Variants in DOCK8 observed in about 807,000 individuals in gnomAD.
DOCK8 encodes dedicator of cytokinesis protein 8.
A neutral mutation model predicts 245.6 loss-of-function variants in DOCK8; 141 were observed. The ratio of observed to expected loss-of-function variants is 0.57; its 90% CI spans 0.50 to 0.66. DOCK8 has a LOEUF of 0.66. Ranked by LOEUF, DOCK8 falls within the 30% of genes least tolerant of loss-of-function variation. The pLI is 0.00. For synonymous variants in DOCK8, 1,168 were observed against 970.2 expected (o/e 1.20, Z -3.79); for missense variants, 2,965 against 2,603.4 (o/e 1.14, Z -3.02).
At chr9:333,557 T>C (rs565894580) in intron 10 of DOCK8, among the ~76,000 whole-genome samples, 1,515 of 150,636 alleles carry the variant, frequency 0.01, 20 homozygotes, top group African/African-American at 0.033. Flanking sequence ...GCCGAGATCG[T>C]GCCACTGCAC....
chr9:283,354 T>C (rs1563872905), intron 2 of DOCK8, among the ~76,000 whole-genome samples: 1 of 152,220 alleles, frequency 6.6e-6, no homozygotes. Flanking sequence ...ACACCTGACC[T>C]CACGTGATAG....
At chr9:393,986 G>A (rs2054323305) in intron 24 of DOCK8, among the ~76,000 whole-genome samples, 1 of 152,132 alleles carries the variant, frequency 6.6e-6, no homozygotes. Context: ...CAGAGTAACT[G>A]GGGCCTAGAA....
chr9:293,003 A>G (rs990759711), intron 4 of DOCK8, among the ~76,000 whole-genome samples: 2 of 152,146 alleles, frequency 1.3e-5, no homozygotes, highest in African/African-American at 2.4e-5. Context: ...TTGTTCCCCT[A>G]AAAAAGAAAG....
At chr9:418,017 T>TGG in intron 29 of DOCK8, 51 bp from the exon 30 acceptor site, 1 of 1,612,902 alleles carries the variant, frequency 6.2e-7, no homozygotes, top group Non-Finnish European at 8.5e-7. Context: ...GTAGGGGACA[T>TGG]GGGGAAATGT....
intron 4 of DOCK8, among the ~76,000 whole-genome samples, chr9:292,873 A>C (rs1363358279): frequency 2.0e-5 from 3 of 152,238 alleles, no homozygotes; most frequent in Admixed American, 6.5e-5. Context: ...TTAAAGCATT[A>C]ATCCAGATCA....
At chr9:216,852 C>T (rs1185359714) in intron 1 of DOCK8, among the ~76,000 whole-genome samples, 1 of 152,090 alleles carries the variant, frequency 6.6e-6, no homozygotes, top group Admixed American at 6.6e-5. Flanking sequence ...TTGCAAGCAA[C>T]TGCGGGGTCG....
chr9:214,868 A>G lies in DOCK8; in HGVS notation c.-109A>G. ...GCGGAAGTTTCCAGCGCCGACCGAC[A>G]GACGAGGTTTGCGCTTGGCTGGGCA... On this transcript the variant is annotated 5_prime_UTR_variant, in exon 1 of 48. Transcript: ENST00000432829. 1.9e-6 allele frequency: 3 copies of G among 1,601,546 alleles called. No homozygotes were observed. The highest frequency in any genetic ancestry group is 2.6e-6 in the Non-Finnish European group (3 of 1,174,522).
At chr9:393,869 G>T (rs1246963519) in intron 24 of DOCK8, among the ~76,000 whole-genome samples, 2 of 152,176 alleles carry the variant, frequency 1.3e-5, no homozygotes, top group Non-Finnish European at 2.9e-5. Flanking sequence ...ACTCTGCTCA[G>T]CATGTATGGG....
At chr9:330,432 A>G (rs1308505411) in intron 9 of DOCK8, among the ~76,000 whole-genome samples, 1 of 152,160 alleles carries the variant, frequency 6.6e-6, no homozygotes, top group African/African-American at 2.4e-5. Flanking sequence ...CATCTTAAAG[A>G]GTTTACAATC....
chr9:357,737 G>C (rs558388365), intron 14 of DOCK8, among the ~76,000 whole-genome samples: 2 of 152,168 alleles, frequency 1.3e-5, no homozygotes, highest in African/African-American at 4.8e-5. Context: ...TGCTGCTTGC[G>C]ATAACACCCC....
chr9:384,011 C>A (rs1586856724), intron 22 of DOCK8, among the ~76,000 whole-genome samples: 1 of 152,150 alleles, frequency 6.6e-6, no homozygotes, highest in African/African-American at 2.4e-5. Flanking sequence ...CAGTTTTTCT[C>A]TAATGTCCTT....
intron 45 of DOCK8, among the ~76,000 whole-genome samples, chr9:451,271 A>G (rs1183470389): frequency 6.6e-6 from 1 of 152,092 alleles, no homozygotes; most frequent in African/African-American, 2.4e-5. Flanking sequence ...AGATTATGCC[A>G]CTGCGCTCCA....
intron 2 of DOCK8, chr9:273,090 A>G: frequency 2.0e-6 from 2 of 985,422 alleles, no homozygotes; most frequent in Non-Finnish European, 1.2e-6. Flanking sequence ...GTAACTGTGA[A>G]TCTTTCAAAG....
intron 40 of DOCK8, among the ~76,000 whole-genome samples, chr9:440,572 C>T (rs1012154445): frequency 2.0e-5 from 3 of 152,206 alleles, no homozygotes; most frequent in East Asian, 1.9e-4. Flanking sequence ...TTTCCTCAAA[C>T]TCAACAAAAT....
intron 1 of DOCK8, among the ~76,000 whole-genome samples, chr9:245,967 C>G (rs975188482): frequency 1.3e-5 from 2 of 152,128 alleles, no homozygotes; most frequent in Non-Finnish European, 2.9e-5. Flanking sequence ...CACCTGTAAC[C>G]CCAGCACTTT....
At chr9:294,863 A>G (rs2049187786) in intron 4 of DOCK8, among the ~76,000 whole-genome samples, 1 of 152,206 alleles carries the variant, frequency 6.6e-6, no homozygotes, top group Admixed American at 6.5e-5. Flanking sequence ...TGCTAAGTGA[A>G]AGAAGCCAGA....
intron 25 of DOCK8, among the ~76,000 whole-genome samples, chr9:398,853 C>T: frequency 6.6e-6 from 1 of 151,080 alleles, no homozygotes. Flanking sequence ...AAAGTAGGAT[C>T]CAACATAGTA....
At chr9:323,094 A>AC (rs1363015618) in intron 7 of DOCK8, among the ~76,000 whole-genome samples, 1 of 70,296 alleles carries the variant, frequency 1.4e-5, no homozygotes, top group Non-Finnish European at 2.9e-5. Context: ...ACTCCATCTC[A>AC]AAAAAAAAAA....
chr9:263,276 AT>A (rs1264303273), intron 1 of DOCK8, among the ~76,000 whole-genome samples: 1 of 148,748 alleles, frequency 6.7e-6, no homozygotes, highest in Non-Finnish European at 1.5e-5. Context: ...TTTTTTTTCC[AT>A]TTTGCCCACT....
Sources: gnomAD v4.1 joint callset for allele counts (sites outside exome capture counted in the v4.1 genomes callset) on GRCh38, gnomAD v4.1.1 for gene constraint, MANE v1.5 for transcripts, NCBI Gene and HGNC (gene_info 2026-07-23, HGNC 2026-07-21) for gene names.